Variants in NADK observed in about 807,000 individuals in gnomAD.
The protein encoded by NADK is NAD kinase.
A neutral mutation model predicts 49.8 loss-of-function variants in NADK; 22 were observed. The ratio of observed to expected loss-of-function variants is 0.44; its 90% CI spans 0.32 to 0.63. NADK has a LOEUF of 0.63. NADK is among the 30% of genes least tolerant of loss of function. The pLI, the probability that NADK is intolerant of heterozygous loss-of-function variation, is 0.06. For missense variants in NADK, 438 were observed against 609.4 expected (o/e 0.72, Z 2.96); for synonymous variants, 268 against 253.7 (o/e 1.06, Z -0.54).
intron 1 of NADK, among the ~76,000 whole-genome samples, chr1:1,777,002 C>A (rs1426302108): frequency 1.3e-5 from 2 of 152,044 alleles, no homozygotes; most frequent in African/African-American, 4.8e-5. Context: ...CAATTGAGCC[C>A]AGGAATTTGA....
At chr1:1,768,634 A>G (rs753975482) in intron 1 of NADK, among the ~76,000 whole-genome samples, 24 of 152,198 alleles carry the variant, frequency 1.6e-4, no homozygotes, top group Non-Finnish European at 3.1e-4. Context: ...CCATGTGGGG[A>G]CACAGAGAAG....
Position 1,765,292 on chromosome 1 carries a change from G to C in NADK, c.115C>G (p.Arg39Gly). The C allele has an allele frequency of 6.2e-7, 1 of 1,613,298 alleles. No homozygotes were observed. ...DETWSYNHPI[R>G]GRAKSRSLSA... ...AGGCTGCGAGACTTGGCCCGGCCCCGGATGGGGTGGTTGTAACTCCAGGTC... is the reference window on the plus strand; with the variant it reads ...AGGCTGCGAGACTTGGCCCGGCCCCCGATGGGGTGGTTGTAACTCCAGGTC... Residue 39 changes from arginine to glycine, a missense_variant, in exon 2 of 12, where the codon CGG becomes GGG. Arg to Gly is a moderately radical substitution (Grantham distance 125). Coordinates refer to ENST00000341426, the MANE Select transcript of NADK (RefSeq NM_023018.5).
intron 2 of NADK, among the ~76,000 whole-genome samples, chr1:1,764,758 G>A (rs766049148): frequency 3.3e-5 from 5 of 152,236 alleles, no homozygotes; most frequent in Admixed American, 6.5e-5. Context: ...AAAATTAGCC[G>A]GGCATGGTGG....
chr1:1,766,398 G>A (rs1645885862), intron 1 of NADK, among the ~76,000 whole-genome samples: 1 of 18,574 alleles, frequency 5.4e-5, no homozygotes, highest in Admixed American at 9.5e-4. Context: ...AAGAACGAAA[G>A]AAACTCCGTC....
rs370377472 is a variant in NADK at position 1,756,537 on chromosome 1, C to T, written c.465G>A (p.Gly155=). The T allele has an allele frequency of 6.2e-7, 1 of 1,613,992 alleles. No individual in the cohort carries two copies. Among genetic ancestry groups the T allele is most frequent in the African/African-American group, 1.3e-5 (1 of 74,932 alleles). The change falls in exon 5 of 12, where the codon GGG becomes GGA. Residue 155 remains glycine (G), a synonymous_variant. Coordinates refer to ENST00000341426, the MANE Select transcript of NADK (RefSeq NM_023018.5). ...AGGTACAGAATTTCTTCTTCACTGC[C>T]CCAAAGCTTTCATCGCTGGCGATGG... ...DPAIASDESF[G]AVKKKFCTFR...
intron 3 of NADK, 49 bp from the exon 4 acceptor site, chr1:1,757,359 C>T (rs764140697): frequency 7.4e-6 from 11 of 1,477,318 alleles, no homozygotes; most frequent in Admixed American, 5.4e-5. Context: ...CTCCCTCTTG[C>T]GGAAAAGGTG....
intron 3 of NADK, chr1:1,761,724 G>A (rs943723910): frequency 8.8e-6 from 4 of 454,698 alleles, no homozygotes; most frequent in African/African-American, 7.8e-5. Context: ...CCCCCGCTCG[G>A]ATGCCTGCAC....
intron 7 of NADK, 39 bp downstream of exon 7, chr1:1,755,335 G>T: frequency 1.4e-6 from 2 of 1,439,090 alleles, no homozygotes; most frequent in South Asian, 1.1e-5. Context: ...GCAGCGCCAT[G>T]ATCAGAGCTC....
chr1:1,776,103 G>A (rs1646202741), intron 1 of NADK, among the ~76,000 whole-genome samples: 1 of 152,272 alleles, frequency 6.6e-6, no homozygotes, highest in South Asian at 2.1e-4. Flanking sequence ...GCAGACTGGA[G>A]GTAATCCAGA....
chr1:1,776,036 C>T (rs966172109), intron 1 of NADK, among the ~76,000 whole-genome samples: 1 of 152,110 alleles, frequency 6.6e-6, no homozygotes, highest in South Asian at 2.1e-4. Flanking sequence ...ACAGCCTCCC[C>T]CCAAGTGCTG....
intron 1 of NADK, among the ~76,000 whole-genome samples, chr1:1,777,127 A>G (rs1273239769): frequency 6.6e-6 from 1 of 152,164 alleles, no homozygotes; most frequent in African/African-American, 2.4e-5. Context: ...GGACACCTCC[A>G]AATGATGAAG....
In NADK at chr1:1,762,104, C is replaced by G; in HGVS notation, c.180-69G>C. The G allele has an allele frequency of 2.2e-6, 3 of 1,359,664 alleles. No individual in the cohort carries two copies. The South Asian group carries it at 3.5e-5, about 16-fold the overall frequency. 84.2% of individuals were successfully genotyped at this position (1,359,664 alleles called of 1,614,324 possible). ...AGACATGCAGTGACAGACACAGATACAGAGGAGGTTACACGGTAAGGCATA... is the reference window on the plus strand; with the variant it reads ...AGACATGCAGTGACAGACACAGATAGAGAGGAGGTTACACGGTAAGGCATA... On this transcript the variant is annotated intron_variant, in intron 2 of 11. Transcript: ENST00000341426.
In NADK at chr1:1,754,608, C is replaced by CCCAG; in HGVS notation, c.775_778dup (p.Gly260AlafsTer3). 6.2e-7 allele frequency: 1 copy of CCCAG among 1,613,990 alleles called. No individual in the cohort carries two copies. Among genetic ancestry groups the CCCAG allele is most frequent in the Non-Finnish European group, 8.5e-7 (1 of 1,179,918 alleles). The stretch of plus-strand genomic sequence containing the variant: ...GCCTGCAGCCTGCGAGCCGTTCTCA[C>CCCAG]CCAGCCCATTGTGCACGGCCGTCTT... On this transcript the variant is annotated frameshift_variant, in exon 8 of 12. Transcript: ENST00000341426. LOFTEE classifies it high-confidence loss of function. The surrounding 1 kb of genome is among the most constrained non-coding windows in gnomAD (Gnocchi z 4.3).
chr1:1,763,153 C>G (rs1645779534), intron 2 of NADK, among the ~76,000 whole-genome samples: 1 of 152,248 alleles, frequency 6.6e-6, no homozygotes, highest in South Asian at 2.1e-4. Context: ...GCGTGGCCAT[C>G]AGTGGTCACG....
intron 7 of NADK, 47 bp downstream of exon 7, chr1:1,755,327 A>G: frequency 7.5e-7 from 1 of 1,339,650 alleles, no homozygotes; most frequent in Non-Finnish European, 1.1e-6. Flanking sequence ...GCGAGACAGC[A>G]GCGCCATGAT....
At chr1:1,759,307 G>A (rs1270696670) in intron 3 of NADK, 10 of 1,470,214 alleles carry the variant, frequency 6.8e-6, no homozygotes, top group Non-Finnish European at 9.0e-6. Flanking sequence ...GGAGAGGGCA[G>A]GGGGTGGCGT....
At chr1:1,779,338 C>CTGG (rs1646306790), upstream of NADK, 2 of 152,346 alleles carry the variant, frequency 1.3e-5, no homozygotes, top group African/African-American at 4.8e-5. Flanking sequence ...ACTTGCTGAA[C>CTGG]TGGTGGCTGC....
Position 1,765,182 on chromosome 1 carries a change from G to C in NADK, c.179+46C>G, listed in dbSNP as rs181557484. 8.7e-6 allele frequency: 13 copies of C among 1,494,992 alleles called. No individual in the cohort carries two copies. In the Admixed American group the frequency reaches 1.5e-4, roughly 18 times the overall value. 92.6% of individuals were successfully genotyped at this position (1,494,992 alleles called of 1,614,324 possible). ...TAATCGTTTTAAGAAAGAATATTATGAAATCAGACGAGAAAAAAAAGAGGA... is the reference window on the plus strand; with the variant it reads ...TAATCGTTTTAAGAAAGAATATTATCAAATCAGACGAGAAAAAAAAGAGGA... On this transcript the variant is annotated intron_variant, in intron 2 of 11. Transcript: ENST00000341426.
At chr1:1,753,093 C>T in intron 11 of NADK, 33 bp from the exon 12 acceptor site, 2 of 1,586,004 alleles carry the variant, frequency 1.3e-6, no homozygotes, top group Non-Finnish European at 8.6e-7. Flanking sequence ...TGAGCCAGGG[C>T]TTCCAGAAAG....
Sources: gnomAD v4.1 joint callset for allele counts (sites outside exome capture counted in the v4.1 genomes callset) on GRCh38, gnomAD v4.1.1 for gene constraint, Gnocchi (gnomAD v3.1) non-coding constraint, MANE v1.5 for transcripts, NCBI Gene and HGNC (gene_info 2026-07-23, HGNC 2026-07-21) for gene names.